The following NEDD4 variants were observed in gnomAD, a reference collection of about 807,000 sequenced individuals.
NEDD4 encodes the protein NEDD4 E3 ubiquitin protein ligase.
In NEDD4, 99 loss-of-function variants were observed where a neutral mutation model predicts 144.9. That is an observed-to-expected ratio of 0.68 (90% confidence interval 0.58 to 0.81). The LOEUF (loss-of-function observed/expected upper bound fraction) is 0.81. Among genes scored for constraint, NEDD4 ranks in the 30% least tolerant of loss-of-function variants. NEDD4 has a pLI of 0.00. For synonymous variants in NEDD4, 318 were observed against 350.6 expected, an observed-to-expected ratio of 0.91 and a Z score of 1.04; for missense variants, 985 against 1,065.9, an observed-to-expected ratio of 0.92 and a Z score of 1.06.
chr15:55,952,941 T>C (rs1382292456), intron 2 of NEDD4, among the ~76,000 whole-genome samples: 3 of 152,284 alleles, frequency 2.0e-5, no homozygotes, highest in South Asian at 4.1e-4. Context: ...ATATAGCAAT[T>C]ACTCAGTGCC....
intron 1 of NEDD4, among the ~76,000 whole-genome samples, chr15:55,986,700 C>T (rs912342715): frequency 1.6e-4 from 24 of 150,824 alleles, no homozygotes; most frequent in Admixed American, 9.3e-4. Context: ...CGCCATTCTC[C>T]GGCCTCAGCC....
intron 4 of NEDD4, among the ~76,000 whole-genome samples, chr15:55,947,138 G>T (rs958728625): frequency 2.6e-5 from 4 of 152,114 alleles, no homozygotes; most frequent in Non-Finnish European, 5.9e-5. Flanking sequence ...GCTAGCAGAA[G>T]ACAAGAAATA....
intron 12 of NEDD4, among the ~76,000 whole-genome samples, chr15:55,853,740 G>A (rs1168679607): frequency 6.6e-6 from 1 of 152,182 alleles, no homozygotes; most frequent in East Asian, 1.9e-4. Context: ...TGTAATCCCA[G>A]CACTTTTGGG....
intron 1 of NEDD4, among the ~76,000 whole-genome samples, chr15:55,968,184 T>C (rs2037548732): frequency 1.3e-5 from 2 of 151,990 alleles, no homozygotes; most frequent in Non-Finnish European, 2.9e-5. Flanking sequence ...AATTCCAAAA[T>C]TCATAGAGAG....
At position 55,973,846 on chromosome 15, in the gene NEDD4, AC is replaced by A. The variant is rs1253935301; in HGVS notation, c.46-7301del. On this transcript the variant is annotated intron_variant, in intron 1 of 28. Transcript: ENST00000435532. The stretch of plus-strand genomic sequence containing the variant: ...AAGTAGAAAAACTTCAAAAAAAAAA[AC>A]AACCTAGCTATGCATCTTAAAGAAC... Among the ~76,000 whole-genome samples, 12 of 151,916 alleles carry A rather than the reference AC, an allele frequency of 7.9e-5. No individual in the cohort carries two copies. The East Asian group carries it at 1.7e-3, about 22-fold the overall frequency.
chr15:55,846,035 C>T (rs959455862), intron 18 of NEDD4, among the ~76,000 whole-genome samples: 7 of 152,048 alleles, frequency 4.6e-5, no homozygotes, highest in Non-Finnish European at 8.8e-5. Context: ...GATCCACCCA[C>T]CTCGACCTCC....
chr15:55,964,082 A>G (rs1418594191), intron 2 of NEDD4, among the ~76,000 whole-genome samples: 1 of 152,042 alleles, frequency 6.6e-6, no homozygotes, highest in Non-Finnish European at 1.5e-5. Flanking sequence ...TATGCACTTC[A>G]TTGTGTTCTT....
At chr15:55,921,316 C>G (rs2036564724) in intron 5 of NEDD4, among the ~76,000 whole-genome samples, 1 of 151,518 alleles carries the variant, frequency 6.6e-6, no homozygotes, top group Non-Finnish European at 1.5e-5. Flanking sequence ...GTGTGGGGAT[C>G]TATAATAACT....
intron 4 of NEDD4, among the ~76,000 whole-genome samples, chr15:55,931,335 A>G (rs2036777353): frequency 6.6e-6 from 1 of 152,194 alleles, no homozygotes; most frequent in Non-Finnish European, 1.5e-5. Context: ...CAGGAATAGG[A>G]GGGAGGACAG....
intron 5 of NEDD4, among the ~76,000 whole-genome samples, chr15:55,882,901 T>C (rs1487419363): frequency 2.0e-5 from 3 of 152,300 alleles, no homozygotes; most frequent in East Asian, 1.9e-4. Flanking sequence ...AACCAGATAG[T>C]ATACATCATG....
At chr15:55,844,812 T>A (rs2033673084) in intron 18 of NEDD4, among the ~76,000 whole-genome samples, 1 of 151,440 alleles carries the variant, frequency 6.6e-6, no homozygotes, top group Admixed American at 6.6e-5. Context: ...TTTCAATTTT[T>A]TTTTTTTTTT....
At position 55,846,951 on chromosome 15, in the gene NEDD4, A is replaced by T; in HGVS notation, c.1608+18T>A. 1 of 1,491,202 alleles carries T rather than the reference A, an allele frequency of 6.7e-7. No homozygotes were observed. 92.4% of individuals were successfully genotyped at this position (1,491,202 alleles called of 1,614,324 possible). On this transcript the variant is annotated intron_variant, in intron 18 of 28. Transcript: ENST00000435532. ...ATATATTGATGACTCTTAAGTATTT[A>T]TTATAAACATGACTAACCTGCTTCT...
At position 55,860,604 on chromosome 15, in the gene NEDD4, A is replaced by C. The variant is rs771406040; in HGVS notation, c.793-30T>G. 2.2e-5 allele frequency: 36 copies of C among 1,613,736 alleles called. No homozygotes were observed. The Admixed American group carries it at 6.0e-4, about 27-fold the overall frequency. On this transcript the variant is annotated intron_variant, in intron 10 of 28. Coordinates refer to ENST00000435532, the MANE Select transcript of NEDD4 (RefSeq NM_006154.4). ...AATGAACAGAATAAGCTTGAGCCAC[A>C]CATACTTTATTGCTATAGCATGTGT...
intron 4 of NEDD4, among the ~76,000 whole-genome samples, chr15:55,926,113 C>A (rs556339454): frequency 6.6e-6 from 1 of 151,584 alleles, no homozygotes; most frequent in Non-Finnish European, 1.5e-5. Context: ...ATGATACATA[C>A]GTATATGTAT....
chr15:55,912,344 C>T (rs2036301450), intron 5 of NEDD4, among the ~76,000 whole-genome samples: 1 of 151,948 alleles, frequency 6.6e-6, no homozygotes, highest in East Asian at 1.9e-4. Context: ...GTGTTAAAGG[C>T]TTTGAAATAA....
At chr15:55,836,879 G>C (rs1267026813) in intron 24 of NEDD4, among the ~76,000 whole-genome samples, 1 of 151,426 alleles carries the variant, frequency 6.6e-6, no homozygotes, top group Non-Finnish European at 1.5e-5. Flanking sequence ...CGTTGGTCTC[G>C]AACTCCTGGG....
intron 5 of NEDD4, among the ~76,000 whole-genome samples, chr15:55,895,180 TAG>T (rs2035700305): frequency 6.6e-6 from 1 of 152,168 alleles, no homozygotes; most frequent in Non-Finnish European, 1.5e-5. Context: ...CGACTGAAAA[TAG>T]AGATTCACAC....
intron 24 of NEDD4, among the ~76,000 whole-genome samples, chr15:55,835,993 A>T (rs1327673059): frequency 1.3e-5 from 2 of 152,162 alleles, no homozygotes; most frequent in East Asian, 1.9e-4. Context: ...TTAGCTCCGC[A>T]GGCTGATTGT....
At chr15:55,845,798 CTTTTTT>C (rs11449030) in intron 18 of NEDD4, among the ~76,000 whole-genome samples, 4 of 143,152 alleles carry the variant, frequency 2.8e-5, no homozygotes, top group South Asian at 2.2e-4. Context: ...TTTCTTTTTT[CTTTTTT>C]TTTTTTTGAG....
Sources: gnomAD v4.1 joint callset for allele counts (sites outside exome capture counted in the v4.1 genomes callset) on GRCh38, gnomAD v4.1.1 for gene constraint, MANE v1.5 for transcripts, NCBI Gene and HGNC (gene_info 2026-07-23, HGNC 2026-07-21) for gene names.